Variants in MDFIC2 observed in about 807,000 individuals in gnomAD.
MDFIC2 encodes the protein MyoD family inhibitor domain containing 2, also known as myoD family inhibitor domain-containing protein 2.
intron 2 of MDFIC2, among the ~76,000 whole-genome samples, chr3:70,232,351 C>T (rs1701567140): frequency 2.0e-5 from 3 of 152,032 alleles, no homozygotes; most frequent in African/African-American, 4.8e-5. Context: ...GTGTCGAATG[C>T]CCACAATATT....
At chr3:70,233,552 AT>A (rs1701581077) in intron 2 of MDFIC2, among the ~76,000 whole-genome samples, 1 of 152,198 alleles carries the variant, frequency 6.6e-6, no homozygotes, top group Non-Finnish European at 1.5e-5. Context: ...GACTTTTGAC[AT>A]ATGTGTGCAC....
chr3:70,306,190 G>A (rs1247040019), intron 2 of MDFIC2, among the ~76,000 whole-genome samples: 2 of 152,022 alleles, frequency 1.3e-5, no homozygotes, highest in Non-Finnish European at 2.9e-5. Context: ...TGCAACCTCC[G>A]CCTCCTAGTT....
chr3:70,259,837 TG>T (rs1271376555), intron 2 of MDFIC2, among the ~76,000 whole-genome samples: 5 of 152,096 alleles, frequency 3.3e-5, no homozygotes, highest in African/African-American at 1.2e-4. Flanking sequence ...TCAGCACAGC[TG>T]GGGAGGTCTC....
chr3:70,257,552 C>T (rs533668239), intron 2 of MDFIC2, among the ~76,000 whole-genome samples: 72 of 152,072 alleles, frequency 4.7e-4, no homozygotes, highest in East Asian at 1.5e-3. Context: ...GAGGAAGATA[C>T]GCTTTGCAAT....
chr3:70,295,256 A>G (rs764885433), intron 2 of MDFIC2, among the ~76,000 whole-genome samples: 1 of 152,190 alleles, frequency 6.6e-6, no homozygotes, highest in Admixed American at 6.5e-5. Context: ...CAAAGTAGCC[A>G]TTATGATTTT....
At chr3:70,210,048 G>C (rs895924461) in intron 2 of MDFIC2, among the ~76,000 whole-genome samples, 2 of 152,052 alleles carry the variant, frequency 1.3e-5, no homozygotes, top group Admixed American at 6.5e-5. Context: ...ACGTAGTCAG[G>C]CTGCATGTAA....
chr3:70,294,314 T>G (rs1366809668), intron 2 of MDFIC2, among the ~76,000 whole-genome samples: 1 of 152,168 alleles, frequency 6.6e-6, no homozygotes, highest in Non-Finnish European at 1.5e-5. Context: ...AGGTCATGAA[T>G]AGACCTTGTA....
At position 70,197,285 on chromosome 3, in the gene MDFIC2, T is replaced by C. The variant is rs1701191635; in HGVS notation, c.311-100A>G. On this transcript the variant is annotated intron_variant, in intron 3 of 3. Coordinates refer to ENST00000567252, the MANE Select transcript of MDFIC2 (RefSeq NM_001364677.1). Reference sequence around the variant, plus strand: ...TACTTGATAACTTGATAGCCAACTCTTAATTATTTATCCACATTAGGGGTA... The same window carrying C: ...TACTTGATAACTTGATAGCCAACTCCTAATTATTTATCCACATTAGGGGTA... 9 of 397,486 alleles carry C rather than the reference T, an allele frequency of 2.3e-5. No homozygotes were observed. In the East Asian group the frequency reaches 3.2e-4, roughly 14 times the overall value. The allele number at this position is 397,486 out of a possible 1,614,324, so 24.6% of individuals were successfully genotyped here. A position where few individuals can be genotyped will look rare whatever the true frequency, so the allele number is the denominator to read the frequency against.
At chr3:70,302,921 T>A (rs1177870937) in intron 2 of MDFIC2, among the ~76,000 whole-genome samples, 1 of 152,112 alleles carries the variant, frequency 6.6e-6, no homozygotes, top group African/African-American at 2.4e-5. Context: ...ATTTTAACCA[T>A]CAGCAGTAGG....
intron 2 of MDFIC2, among the ~76,000 whole-genome samples, chr3:70,210,123 G>T (rs957516590): frequency 1.3e-5 from 2 of 152,110 alleles, no homozygotes; most frequent in Non-Finnish European, 2.9e-5. Context: ...TTACTGGAAT[G>T]TAAGAACATG....
At chr3:70,265,519 T>C (rs887659857) in intron 2 of MDFIC2, among the ~76,000 whole-genome samples, 2 of 149,342 alleles carry the variant, frequency 1.3e-5, no homozygotes, top group Non-Finnish European at 3.0e-5. Flanking sequence ...AACACACAAG[T>C]TCATGAGCGA....
chr3:70,300,116 C>G (rs1702333286), intron 2 of MDFIC2, among the ~76,000 whole-genome samples: 1 of 152,114 alleles, frequency 6.6e-6, no homozygotes, highest in South Asian at 2.1e-4. Context: ...TGCTTCCTAC[C>G]TCTGAATCGC....
At chr3:70,224,030 C>T (rs1211617210) in intron 2 of MDFIC2, among the ~76,000 whole-genome samples, 1 of 151,972 alleles carries the variant, frequency 6.6e-6, no homozygotes, top group Non-Finnish European at 1.5e-5. Flanking sequence ...TATATTTCCC[C>T]ATATATCTTG....
At chr3:70,235,212 A>G (rs531949743) in intron 2 of MDFIC2, among the ~76,000 whole-genome samples, 5 of 152,294 alleles carry the variant, frequency 3.3e-5, no homozygotes, top group African/African-American at 1.2e-4. Flanking sequence ...ATGTGTCTTC[A>G]TCAACCGTCG....
At chr3:70,260,169 C>G (rs1198195376) in intron 2 of MDFIC2, among the ~76,000 whole-genome samples, 2 of 152,286 alleles carry the variant, frequency 1.3e-5, no homozygotes, top group African/African-American at 4.8e-5. Flanking sequence ...CCCTCTGAAA[C>G]ATCCTGCCCT....
At chr3:70,212,318 C>A (rs1426041612) in intron 2 of MDFIC2, among the ~76,000 whole-genome samples, 1 of 152,116 alleles carries the variant, frequency 6.6e-6, no homozygotes, top group Non-Finnish European at 1.5e-5. Context: ...GAAATCCTTT[C>A]AATTATGATG....
rs1288318996 is a variant in MDFIC2, at chr3:70,202,293, G to A, written c.310+4276C>T. ...CTAGTGGTCTTTCTGATAATGGTTAGTAACTAGTGCTCTATCTGATAGTGG... is the reference window on the plus strand; with the variant it reads ...CTAGTGGTCTTTCTGATAATGGTTAATAACTAGTGCTCTATCTGATAGTGG... On this transcript the variant is annotated intron_variant, in intron 3 of 3. Transcript: ENST00000567252. 3.9e-5 allele frequency among the ~76,000 whole-genome samples: 6 copies of A among 152,138 alleles called. No homozygotes were observed. In the South Asian group the frequency reaches 1.0e-3, roughly 26 times the overall value.
chr3:70,282,383 AC>A (rs1300698934), intron 2 of MDFIC2, among the ~76,000 whole-genome samples: 1 of 152,108 alleles, frequency 6.6e-6, no homozygotes, highest in Non-Finnish European at 1.5e-5. Context: ...TACCACTTAA[AC>A]TTTGTAAATC....
chr3:70,207,028 T>A (rs1701297939), intron 2 of MDFIC2, among the ~76,000 whole-genome samples: 2 of 143,118 alleles, frequency 1.4e-5, no homozygotes, highest in Non-Finnish European at 3.0e-5. Context: ...TAACACTTAT[T>A]TCTACTTTTT....
Sources: gnomAD v4.1 joint callset for allele counts (sites outside exome capture counted in the v4.1 genomes callset) on GRCh38, gnomAD v4.1.1 for gene constraint, MANE v1.5 for transcripts, NCBI Gene and HGNC (gene_info 2026-07-23, HGNC 2026-07-21) for gene names.